Variants in ALG9 observed in about 807,000 individuals in gnomAD.
ALG9 encodes alpha-1,2-mannosyltransferase ALG9.
ALG9 carries 55 observed loss-of-function variants against 81.8 expected under a neutral mutation model. The ratio of observed to expected loss-of-function variants is 0.67; its 90% CI spans 0.54 to 0.84. ALG9 has a LOEUF of 0.84. Among genes scored for constraint, ALG9 ranks in the 40% least tolerant of loss-of-function variants. The pLI is 0.00. For synonymous variants in ALG9, 278 were observed against 274.3 expected, an observed-to-expected ratio of 1.01 and a Z score of -0.13; for missense variants, 629 against 745.0, an observed-to-expected ratio of 0.84 and a Z score of 1.81.
intron 5 of ALG9, among the ~76,000 whole-genome samples, chr11:111,858,556 A>T (rs1218342493): frequency 6.6e-6 from 1 of 152,218 alleles, no homozygotes; most frequent in East Asian, 1.9e-4. Context: ...GCTGACACAG[A>T]TAATCTGGCC....
rs1277441654 is a variant in ALG9 at position 111,783,801 on chromosome 11, A to T, written c.*2596T>A. On this transcript the variant is annotated 3_prime_UTR_variant, in exon 15 of 15. Transcript: ENST00000616540. The stretch of plus-strand genomic sequence containing the variant: ...CATGTATTGTGCTCTCACTAAAGAC[A>T]TACATAGAACAGAGAGATCCAAAAT... The T allele has an allele frequency of 1.3e-5, 2 of 152,214 alleles. No homozygotes were observed. The allele number at this position is 152,214 out of a possible 1,614,324, so 9.4% of individuals were successfully genotyped here. A position where few individuals can be genotyped will look rare whatever the true frequency, so the allele number is the denominator to read the frequency against.
rs1300673332 is a variant in ALG9, at chr11:111,784,163, ATAG to A, written c.*2231_*2233del. On this transcript the variant is annotated 3_prime_UTR_variant, in exon 15 of 15. Transcript: ENST00000616540. ...ATATGTGCTAGTTTTACACTGGAAA[ATAG>A]TAATCAAGAATTGAGAATTAAATGC... 1 of 152,226 alleles carries A rather than the reference ATAG, an allele frequency of 6.6e-6. No homozygotes were observed. The highest frequency in any genetic ancestry group is 1.5e-5 in the Non-Finnish European group (1 of 68,044). 9.4% of individuals were successfully genotyped at this position (152,226 alleles called of 1,614,324 possible). A position where few individuals can be genotyped will look rare whatever the true frequency, so the allele number is the denominator to read the frequency against.
chr11:111,769,747 A>C, the ALG9 span, among the ~76,000 whole-genome samples: 1 of 152,236 alleles, frequency 6.6e-6, no homozygotes, highest in Non-Finnish European at 1.5e-5. Flanking sequence ...ATGCTAACAA[A>C]AACTGGCACC....
chr11:111,829,940 T>G (rs1954066890), intron 13 of ALG9, among the ~76,000 whole-genome samples: 1 of 152,192 alleles, frequency 6.6e-6, no homozygotes, highest in Non-Finnish European at 1.5e-5. Flanking sequence ...CAAGATAAAC[T>G]GTGCTGCCAT....
chr11:111,768,842 C>CGCGTGTGTGTGTGTGTGTGTGTGT, the ALG9 span: 32 of 143,200 alleles, frequency 2.2e-4, 1 homozygote, highest in African/African-American at 7.7e-4. Flanking sequence ...TGTGTGTGTG[C>CGCGTGTGTGTGTGTGTGTGTGTGT]GTGTGTGTGT....
At chr11:111,811,260 T>C (rs1555091138) in intron 13 of ALG9, among the ~76,000 whole-genome samples, 2 of 152,138 alleles carry the variant, frequency 1.3e-5, no homozygotes, top group Non-Finnish European at 2.9e-5. Context: ...AGAATCTTAT[T>C]GGCTGGGCAC....
chr11:111,826,916 T>C (rs1555109062), intron 13 of ALG9, among the ~76,000 whole-genome samples: 1 of 152,212 alleles, frequency 6.6e-6, no homozygotes, highest in Non-Finnish European at 1.5e-5. Context: ...TGTATTATTA[T>C]AGTCTGGAAG....
intron 6 of ALG9, among the ~76,000 whole-genome samples, chr11:111,857,091 G>A (rs1958819376): frequency 6.6e-6 from 1 of 152,102 alleles, no homozygotes; most frequent in Non-Finnish European, 1.5e-5. Flanking sequence ...TGGGCAACAA[G>A]AGTGAAACTC....
intron 14 of ALG9, among the ~76,000 whole-genome samples, chr11:111,787,549 C>T (rs949556103): frequency 2.0e-5 from 3 of 151,800 alleles, no homozygotes; most frequent in Admixed American, 6.6e-5. Context: ...CTCTGCCTCC[C>T]GGGTTCACGC....
At chr11:111,786,579 C>T (rs1262940690) in intron 14 of ALG9, 59 bp from the exon 15 acceptor site, 1 of 1,558,906 alleles carries the variant, frequency 6.4e-7, no homozygotes, top group Non-Finnish European at 8.8e-7. Flanking sequence ...ACTAATGGTA[C>T]TAAATGTGAT....
chr11:111,817,741 T>C (rs1465285443), intron 13 of ALG9, among the ~76,000 whole-genome samples: 3 of 151,590 alleles, frequency 2.0e-5, no homozygotes, highest in Non-Finnish European at 2.9e-5. Context: ...GCAGTGGGAA[T>C]GAAGAAAGAA....
At chr11:111,868,288 C>T (rs1406267877) in intron 3 of ALG9, among the ~76,000 whole-genome samples, 1 of 152,144 alleles carries the variant, frequency 6.6e-6, no homozygotes. Flanking sequence ...TATGCTATTC[C>T]ACCGTACATT....
intron 9 of ALG9, 100 bp from the exon 10 acceptor site, chr11:111,840,909 A>AG (rs1956117000): frequency 1.5e-6 from 2 of 1,352,084 alleles, no homozygotes. Context: ...AGTATGCCCT[A>AG]GGACACTCCA....
chr11:111,833,166 G>C (rs1039801542), intron 13 of ALG9, among the ~76,000 whole-genome samples: 9 of 152,026 alleles, frequency 5.9e-5, no homozygotes, highest in African/African-American at 2.2e-4. Flanking sequence ...CATTGACTAG[G>C]TAGCTCCTAA....
chr11:111,866,399 T>C (rs1555153086), intron 3 of ALG9, among the ~76,000 whole-genome samples: 2 of 152,082 alleles, frequency 1.3e-5, no homozygotes, highest in Non-Finnish European at 2.9e-5. Flanking sequence ...ACAAAGGTGC[T>C]TTCATTTGGG....
At position 111,871,350 on chromosome 11, in the gene ALG9, A is replaced by T; in HGVS notation, c.131+2T>A. The stretch of plus-strand genomic sequence containing the variant: ...CACGCCCCTGCCGCGCCGCACACGT[A>T]CTCGGTCCGGTGCTCCGCGCCGCCC... On this transcript the variant is annotated splice_donor_variant, in intron 1 of 14. Coordinates refer to ENST00000616540, the MANE Select transcript of ALG9 (RefSeq NM_024740.2). LOFTEE classifies it high-confidence loss of function. 1 of 1,522,482 alleles carries T rather than the reference A, an allele frequency of 6.6e-7. No homozygotes were observed. The highest frequency in any genetic ancestry group is 8.8e-7 in the Non-Finnish European group (1 of 1,141,092). 94.3% of individuals were successfully genotyped at this position (1,522,482 alleles called of 1,614,324 possible). A position where few individuals can be genotyped will look rare whatever the true frequency, so the allele number is the denominator to read the frequency against.
At chr11:111,831,686 T>C (rs1954402876) in intron 13 of ALG9, among the ~76,000 whole-genome samples, 1 of 152,208 alleles carries the variant, frequency 6.6e-6, no homozygotes, top group Non-Finnish European at 1.5e-5. Context: ...TTATAATCTC[T>C]CTAGATCTCA....
At chr11:111,807,347 G>T (rs1392420061) in intron 14 of ALG9, among the ~76,000 whole-genome samples, 1 of 151,990 alleles carries the variant, frequency 6.6e-6, no homozygotes, top group Admixed American at 6.6e-5. Context: ...TCTTCCTTAT[G>T]CCACAGCCTT....
chr11:111,777,745 T>C (rs2136145148), downstream of ALG9, among the ~76,000 whole-genome samples: 1 of 152,300 alleles, frequency 6.6e-6, no homozygotes, highest in East Asian at 1.9e-4. Context: ...CTTTTCTACA[T>C]ACCTCCACAA....
Sources: allele counts gnomAD v4.1 joint callset (sites outside exome capture counted in the v4.1 genomes callset), GRCh38; gene constraint gnomAD v4.1.1; transcripts MANE v1.5; gene names NCBI Gene and HGNC (gene_info 2026-07-23, HGNC 2026-07-21).